CLCN3: variants seen among roughly 807,000 people sequenced by gnomAD.
CLCN3 encodes H(+)/Cl(-) exchange transporter 3.
A neutral mutation model predicts 83.4 loss-of-function variants in CLCN3; 16 were observed. That is an observed-to-expected ratio of 0.19 (90% CI 0.13 to 0.29). The LOEUF (loss-of-function observed/expected upper bound fraction) is 0.29. CLCN3 is among the 10% of genes least tolerant of loss of function. The pLI is 1.00. For missense variants in CLCN3, 544 were observed against 1,006.0 expected (o/e 0.54, Z 6.21); for synonymous variants, 322 against 346.2 (o/e 0.93, Z 0.78).
chr4:169,673,189 A>G (rs1731545568), intron 2 of CLCN3, among the ~76,000 whole-genome samples: 1 of 152,224 alleles, frequency 6.6e-6, no homozygotes, highest in African/African-American at 2.4e-5. Context: ...AGAACAAATT[A>G]TAAGAGAAAA....
chr4:169,636,756 T>C (rs1356066448), intron 2 of CLCN3, among the ~76,000 whole-genome samples: 3 of 147,598 alleles, frequency 2.0e-5, no homozygotes, highest in Non-Finnish European at 4.5e-5. Context: ...TTTTTTCATA[T>C]TTTGGCTATT....
intron 2 of CLCN3, among the ~76,000 whole-genome samples, chr4:169,671,139 C>T (rs1731440887): frequency 2.0e-5 from 3 of 152,128 alleles, no homozygotes; most frequent in Admixed American, 6.6e-5. Flanking sequence ...TATAAAGACA[C>T]ATGCACACGT....
chr4:169,687,561 T>A (rs891869704), intron 3 of CLCN3, 97 bp from the exon 4 acceptor site: 9 of 681,908 alleles, frequency 1.3e-5, no homozygotes, highest in African/African-American at 3.7e-5. Context: ...CTGAAATTAC[T>A]GTTCTATGTA....
At chr4:169,672,329 G>A (rs548215121) in intron 2 of CLCN3, among the ~76,000 whole-genome samples, 20 of 151,944 alleles carry the variant, frequency 1.3e-4, no homozygotes, top group African/African-American at 2.7e-4. Flanking sequence ...TAATGAAGTC[G>A]GGGATTCACC....
At position 169,623,725 on chromosome 4, in the gene CLCN3, CT is replaced by C. The variant is rs951061849; in HGVS notation, c.-17+2672del. 6.1e-5 allele frequency among the ~76,000 whole-genome samples: 9 copies of C among 148,222 alleles called. No individual in the cohort carries two copies. In the South Asian group the frequency reaches 6.4e-4, roughly 11 times the overall value. On this transcript the variant is annotated intron_variant, in intron 1 of 12. Transcript: ENST00000513761. ...CTGCTCTCTGCCTCCCTGAGTTTGA[CT>C]TTTTTTTTTAGATTTTACACATATG...
chr4:169,656,288 G>C (rs1581212531), intron 2 of CLCN3, among the ~76,000 whole-genome samples: 1 of 152,154 alleles, frequency 6.6e-6, no homozygotes, highest in African/African-American at 2.4e-5. Context: ...GCGTCTTCTG[G>C]GGAGGCCTCA....
intron 12 of CLCN3, among the ~76,000 whole-genome samples, chr4:169,714,029 G>C (rs931696065): frequency 3.9e-5 from 6 of 152,150 alleles, no homozygotes; most frequent in Non-Finnish European, 7.4e-5. Context: ...GCACAGAATT[G>C]ATTTAGCAAA....
intron 2 of CLCN3, among the ~76,000 whole-genome samples, chr4:169,652,961 G>A (rs1250452176): frequency 2.0e-5 from 3 of 152,154 alleles, no homozygotes; most frequent in Non-Finnish European, 2.9e-5. Flanking sequence ...ATTTGTAGAA[G>A]TTCTTTATTT....
At chr4:169,624,699 CTG>C (rs1773188970) in intron 1 of CLCN3, among the ~76,000 whole-genome samples, 1 of 152,166 alleles carries the variant, frequency 6.6e-6, no homozygotes, top group African/African-American at 2.4e-5. Flanking sequence ...ACAATAAAAA[CTG>C]TGTTCATATT....
intron 7 of CLCN3, among the ~76,000 whole-genome samples, chr4:169,694,590 G>A (rs1005691766): frequency 3.3e-5 from 5 of 152,222 alleles, no homozygotes; most frequent in African/African-American, 1.2e-4. Flanking sequence ...TATAATCCCA[G>A]CATTTTGGTA....
At chr4:169,692,593 C>T (rs1226595855) in intron 7 of CLCN3, among the ~76,000 whole-genome samples, 1 of 152,176 alleles carries the variant, frequency 6.6e-6, no homozygotes, top group African/African-American at 2.4e-5. Context: ...CCTGTTATCA[C>T]TTTACCTTAC....
At chr4:169,638,396 T>A (rs1219628584) in intron 2 of CLCN3, among the ~76,000 whole-genome samples, 1 of 152,238 alleles carries the variant, frequency 6.6e-6, no homozygotes, top group South Asian at 2.1e-4. Flanking sequence ...CTTTTCAGAA[T>A]ATTGACACTT....
intron 10 of CLCN3, among the ~76,000 whole-genome samples, chr4:169,706,142 C>T (rs1013301677): frequency 2.6e-5 from 4 of 152,068 alleles, no homozygotes; most frequent in Non-Finnish European, 4.4e-5. Flanking sequence ...GAGCCTCCCA[C>T]CTCAGCCTCC....
At chr4:169,651,973 AAG>A (rs1192986422) in intron 2 of CLCN3, among the ~76,000 whole-genome samples, 1 of 152,162 alleles carries the variant, frequency 6.6e-6, no homozygotes, top group African/African-American at 2.4e-5. Flanking sequence ...TAGGGAAAAA[AAG>A]AAGAAATCCA....
In CLCN3 at chr4:169,620,601, GCCGGT is replaced by G. The variant is rs1352049950; in HGVS notation, c.-469_-465del. On this transcript the variant is annotated 5_prime_UTR_variant, in exon 1 of 13. Transcript: ENST00000513761. Reference sequence around the variant, plus strand: ...TTCTCTTCCCCTTCCGTGGGTCAGGGCCGGTCCGGTCCGGAACCTGCAGCCCCTTT... The same window carrying G: ...TTCTCTTCCCCTTCCGTGGGTCAGGGCCGGTCCGGAACCTGCAGCCCCTTT... The G allele has an allele frequency of 2.5e-6, 1 of 397,180 alleles. No homozygotes were observed. The highest frequency in any genetic ancestry group is 2.1e-5 in the African/African-American group (1 of 48,638). 24.6% of individuals were successfully genotyped at this position (397,180 alleles called of 1,614,324 possible).
chr4:169,668,043 A>AT (rs60739106), intron 2 of CLCN3, among the ~76,000 whole-genome samples: 18,802 of 81,892 alleles, frequency 0.23, 2,475 homozygotes, highest in African/African-American at 0.35. Flanking sequence ...CCGGCCAGAC[A>AT]TTTTTTTTTT....
intron 2 of CLCN3, among the ~76,000 whole-genome samples, chr4:169,642,172 TCTC>T (rs1730433147): frequency 6.6e-6 from 1 of 151,956 alleles, no homozygotes; most frequent in African/African-American, 2.4e-5. Context: ...GGCCGCAAGC[TCTC>T]CTCCTGCCTC....
chr4:169,649,758 G>A (rs960260409), intron 2 of CLCN3, among the ~76,000 whole-genome samples: 2 of 152,146 alleles, frequency 1.3e-5, no homozygotes, highest in African/African-American at 4.8e-5. Context: ...TAAAACATCT[G>A]TTAATGTGTA....
rs555676049 is a variant in CLCN3 at position 169,677,764 on chromosome 4, C to T, written c.161-2286C>T. On this transcript the variant is annotated intron_variant, in intron 2 of 12. Coordinates refer to ENST00000513761, the MANE Select transcript of CLCN3 (RefSeq NM_001829.4). ...TAGGACTTCTTTCTCCATAGCTTTG[C>T]TAAATTAATGCATTCACACACTTCA... 4.1e-4 allele frequency among the ~76,000 whole-genome samples: 62 copies of T among 152,288 alleles called. No individual in the cohort carries two copies. In the South Asian group the frequency reaches 9.3e-3, roughly 23 times the overall value.
Sources: gnomAD v4.1 joint callset for allele counts (sites outside exome capture counted in the v4.1 genomes callset) on GRCh38, gnomAD v4.1.1 for gene constraint, MANE v1.5 for transcripts, NCBI Gene and HGNC (gene_info 2026-07-23, HGNC 2026-07-21) for gene names.